Variants in ARL15 observed in about 807,000 individuals in gnomAD.
The protein encoded by ARL15 is ARF like GTPase 15, also known as ADP-ribosylation factor-like protein 15.
In ARL15, 19 loss-of-function variants were observed where a neutral mutation model predicts 25.2. The ratio of observed to expected loss-of-function variants is 0.75; its 90% CI spans 0.53 to 1.10. The LOEUF (loss-of-function observed/expected upper bound fraction) is 1.10, where lower values mean the gene tolerates loss of function less well. Ranked by LOEUF, ARL15 falls within the 50% of genes least tolerant of loss-of-function variation. ARL15 has a pLI of 0.00. For missense variants in ARL15, 220 were observed against 246.0 expected (o/e 0.89, Z 0.71); for synonymous variants, 94 against 86.8 (o/e 1.08, Z -0.46).
intron 1 of ARL15, among the ~76,000 whole-genome samples, chr5:54,231,505 C>T (rs1257146351): frequency 6.6e-6 from 1 of 152,162 alleles, no homozygotes. Flanking sequence ...CCAAAACCCT[C>T]AAAATAAAAA....
intron 1 of ARL15, among the ~76,000 whole-genome samples, chr5:54,225,165 G>T (rs973408249): frequency 6.6e-6 from 1 of 152,132 alleles, no homozygotes. Flanking sequence ...ACTCAATTAA[G>T]ATTCCCTGAT....
At chr5:54,236,892 T>G (rs2112566896) in intron 1 of ARL15, among the ~76,000 whole-genome samples, 1 of 152,050 alleles carries the variant, frequency 6.6e-6, no homozygotes, top group South Asian at 2.1e-4. Context: ...GCTGGACACA[T>G]AGCCACTCAA....
chr5:54,120,779 G>C (rs1753048253), intron 3 of ARL15, among the ~76,000 whole-genome samples: 1 of 152,196 alleles, frequency 6.6e-6, no homozygotes, highest in South Asian at 2.1e-4. Context: ...TGCTGCAATT[G>C]ACGTTGACCA....
At chr5:54,167,696 C>A (rs367883228) in intron 2 of ARL15, among the ~76,000 whole-genome samples, 19 of 152,282 alleles carry the variant, frequency 1.2e-4, no homozygotes, top group African/African-American at 4.3e-4. Flanking sequence ...TACTAGCATG[C>A]TCAAGAGACC....
intron 4 of ARL15, among the ~76,000 whole-genome samples, chr5:53,969,099 C>T (rs1303595245): frequency 6.6e-6 from 1 of 151,856 alleles, no homozygotes; most frequent in Non-Finnish European, 1.5e-5. Flanking sequence ...TGCAGTGAGC[C>T]GAGATCGCGC....
At chr5:53,986,902 A>G (rs544796898) in intron 4 of ARL15, among the ~76,000 whole-genome samples, 1 of 152,234 alleles carries the variant, frequency 6.6e-6, no homozygotes, top group Non-Finnish European at 1.5e-5. Context: ...GGGATTAAGG[A>G]ATATCCAGTA....
At chr5:54,054,551 G>A (rs1355845912) in intron 4 of ARL15, among the ~76,000 whole-genome samples, 4 of 152,196 alleles carry the variant, frequency 2.6e-5, no homozygotes, top group Non-Finnish European at 1.5e-5. Flanking sequence ...AGCACTTTGG[G>A]AGGCCGAGGC....
At chr5:53,940,276 C>T (rs1315864902) in intron 4 of ARL15, among the ~76,000 whole-genome samples, 1 of 152,116 alleles carries the variant, frequency 6.6e-6, no homozygotes, top group African/African-American at 2.4e-5. Flanking sequence ...CCCGGCAGTC[C>T]TGAAGTTTTA....
intron 4 of ARL15, among the ~76,000 whole-genome samples, chr5:54,041,970 TTTTG>T (rs1750357541): frequency 6.6e-6 from 1 of 151,316 alleles, no homozygotes; most frequent in Non-Finnish European, 1.5e-5. Flanking sequence ...TTGTTTTCGT[TTTTG>T]TTTTTTTTTT....
At chr5:53,942,442 G>T (rs1381423259) in intron 4 of ARL15, among the ~76,000 whole-genome samples, 2 of 152,128 alleles carry the variant, frequency 1.3e-5, no homozygotes, top group African/African-American at 4.8e-5. Flanking sequence ...GGCATCATTG[G>T]TGTATTTAAA....
At chr5:54,236,423 C>G (rs558630742) in intron 1 of ARL15, among the ~76,000 whole-genome samples, 16 of 151,856 alleles carry the variant, frequency 1.1e-4, no homozygotes, top group Non-Finnish European at 2.1e-4. Context: ...CACACACACA[C>G]ACACACACAC....
At chr5:54,007,765 T>C (rs6876198) in intron 4 of ARL15, among the ~76,000 whole-genome samples, 42,379 of 152,172 alleles carry the variant, frequency 0.28, 6,139 homozygotes, top group East Asian at 0.46. Context: ...GACCTTCTTT[T>C]TGAGAAATGC....
intron 3 of ARL15, among the ~76,000 whole-genome samples, chr5:54,146,403 T>G (rs1440906609): frequency 2.0e-5 from 3 of 152,120 alleles, no homozygotes; most frequent in Non-Finnish European, 4.4e-5. Context: ...TATCAGCATC[T>G]TCGACTGCTG....
At chr5:54,198,459 A>C (rs911317352) in intron 1 of ARL15, among the ~76,000 whole-genome samples, 2 of 150,784 alleles carry the variant, frequency 1.3e-5, no homozygotes, top group African/African-American at 4.9e-5. Flanking sequence ...CTCAGGATAC[A>C]AAATCAATGT....
chr5:54,183,612 G>T (rs9765458), intron 1 of ARL15, among the ~76,000 whole-genome samples: 137,376 of 151,574 alleles, frequency 0.91, 62,410 homozygotes, highest in East Asian at 0.99. Context: ...TAAAATTCTC[G>T]TTTTTGTGGA....
Position 54,310,543 on chromosome 5 carries a change from C to A in ARL15, c.-64G>T, listed in dbSNP as rs529657593. On this transcript the variant is annotated 5_prime_UTR_variant, in exon 1 of 5. Coordinates refer to ENST00000504924, the MANE Select transcript of ARL15 (RefSeq NM_019087.3). ...AAAAAAAAAGCAGCGTCTCTGGCTG[C>A]GAGCGAGCAGCTCCTGAAAAAGCCA... 122 of 1,531,150 alleles carry A rather than the reference C, an allele frequency of 8.0e-5. No individual in the cohort carries two copies. In the Admixed American group the frequency reaches 9.2e-4, roughly 12 times the overall value. The allele number at this position is 1,531,150 out of a possible 1,614,324, so 94.8% of individuals were successfully genotyped here. A position where few individuals can be genotyped will look rare whatever the true frequency, so the allele number is the denominator to read the frequency against.
intron 4 of ARL15, among the ~76,000 whole-genome samples, chr5:53,930,256 A>G (rs1746157881): frequency 6.6e-6 from 1 of 152,194 alleles, no homozygotes; most frequent in South Asian, 2.1e-4. Flanking sequence ...TTATTATTTT[A>G]TCTCTTAAAT....
chr5:53,957,737 T>G (rs906277289), intron 4 of ARL15, among the ~76,000 whole-genome samples: 1 of 151,914 alleles, frequency 6.6e-6, no homozygotes, highest in Non-Finnish European at 1.5e-5. Context: ...GGTGAGAGAA[T>G]CAACTGAGCC....
intron 4 of ARL15, among the ~76,000 whole-genome samples, chr5:54,068,005 T>C (rs888745351): frequency 6.6e-6 from 1 of 152,214 alleles, no homozygotes; most frequent in Non-Finnish European, 1.5e-5. Context: ...CACTAAAGTG[T>C]CAGCACTTCA....
Sources: gnomAD v4.1 joint callset for allele counts (sites outside exome capture counted in the v4.1 genomes callset) on GRCh38, gnomAD v4.1.1 for gene constraint, MANE v1.5 for transcripts, NCBI Gene and HGNC (gene_info 2026-07-23, HGNC 2026-07-21) for gene names.